CRYBG2: variants seen among roughly 807,000 people sequenced by gnomAD.
CRYBG2 encodes crystallin beta-gamma domain containing 2, also known as beta/gamma crystallin domain-containing protein 2.
CRYBG2 carries 106 observed loss-of-function variants against 153.4 expected under a neutral mutation model. The observed-to-expected ratio is 0.69, with a 90% CI of 0.59 to 0.81. The LOEUF (loss-of-function observed/expected upper bound fraction) is 0.81, where lower values mean the gene tolerates loss of function less well. CRYBG2 is among the 30% of genes least tolerant of loss of function. The pLI is 0.00. For missense variants in CRYBG2, 1,996 were observed against 2,112.0 expected (o/e 0.95, Z 1.08); for synonymous variants, 851 against 877.8 (o/e 0.97, Z 0.54).
intron 17 of CRYBG2, among the ~76,000 whole-genome samples, chr1:26,326,517 G>A (rs1207747156): frequency 9.6e-5 from 14 of 145,504 alleles, no homozygotes; most frequent in African/African-American, 2.8e-4. Flanking sequence ...CTGCCTGGGC[G>A]ACAGAGCAAG....
At chr1:26,337,113 G>T in intron 10 of CRYBG2, 133 bp from the exon 11 acceptor site, 1 of 1,550,452 alleles carries the variant, frequency 6.4e-7, no homozygotes, top group Non-Finnish European at 8.7e-7. Flanking sequence ...AAGAGCAGCA[G>T]GGGAAGAGAG....
chr1:26,335,941 T>A (rs2074048013), intron 14 of CRYBG2, among the ~76,000 whole-genome samples, 154 bp downstream of exon 14: 1 of 152,214 alleles, frequency 6.6e-6, no homozygotes, highest in Admixed American at 6.5e-5. Context: ...CAGTTTTACA[T>A]TTTCCATTAA....
rs756363090 is a variant in CRYBG2 at position 26,331,630 on chromosome 1, G to A, written c.4185-12C>T. ...CAAACAGGATCCAGCTAGGGAAGGG[G>A]AAGAAATGGAGGGTATCTGAGCCTA... On this transcript the variant is annotated splice_polypyrimidine_tract_variant and intron_variant, in intron 14 of 19. Transcript: ENST00000308182. The A allele has an allele frequency of 2.5e-6, 4 of 1,613,040 alleles. No individual in the cohort carries two copies. The highest frequency in any genetic ancestry group is 3.4e-6 in the Non-Finnish European group (4 of 1,179,930).
chr1:26,340,044 G>A (rs2074111788), intron 5 of CRYBG2, among the ~76,000 whole-genome samples: 1 of 152,188 alleles, frequency 6.6e-6, no homozygotes, highest in Non-Finnish European at 1.5e-5. Flanking sequence ...CTGGTGGGAG[G>A]ATGGGCAAGA....
rs772173948 is a variant in CRYBG2, at chr1:26,344,318, G to T, written c.2340C>A (p.Leu780=). The change falls in exon 2 of 20, where the codon CTC becomes CTA. Residue 780 remains leucine (L), a synonymous_variant. Transcript: ENST00000308182. ...GGGCTCGTGGCAGCCGGTGAGTGCG[G>T]AGGATCTCAGGGGGCTCCATGCTCC... ...TLRSMEPPEI[L]RTHRLPRAPR... The T allele has an allele frequency of 3.3e-6, 5 of 1,507,032 alleles. No homozygotes were observed. Among genetic ancestry groups the T allele is most frequent in the Non-Finnish European group, 4.4e-6 (5 of 1,126,806 alleles). The allele number at this position is 1,507,032 out of a possible 1,614,324, so 93.4% of individuals were successfully genotyped here. A position where few individuals can be genotyped will look rare whatever the true frequency, so the allele number is the denominator to read the frequency against.
chr1:26,326,540 CAA>C (rs140765637), intron 17 of CRYBG2: 416 of 102,962 alleles, frequency 4.0e-3, no homozygotes, highest in South Asian at 0.017. Flanking sequence ...GACTCTGTCT[CAA>C]AAAAAAAAAA....
intron 10 of CRYBG2, 81 bp downstream of exon 10, chr1:26,337,172 A>G (rs1570186298): frequency 6.3e-6 from 10 of 1,587,202 alleles, no homozygotes; most frequent in Non-Finnish European, 8.6e-6. Flanking sequence ...AGGGGGTACA[A>G]ATTCTTCCCT....
intron 18 of CRYBG2, 84 bp from the exon 19 acceptor site, chr1:26,322,407 G>A: frequency 1.4e-6 from 2 of 1,458,446 alleles, no homozygotes; most frequent in Non-Finnish European, 1.8e-6. Flanking sequence ...CATCTGCTCT[G>A]AATCCTGGCT....
intron 8 of CRYBG2, 32 bp downstream of exon 8, chr1:26,337,980 G>A: frequency 6.2e-7 from 1 of 1,609,860 alleles, no homozygotes; most frequent in Non-Finnish European, 8.5e-7. Context: ...GCCACCAAAG[G>A]CCCTCTTTGG....
chr1:26,347,721 A>G (rs539773121), intron 1 of CRYBG2, among the ~76,000 whole-genome samples: 29 of 152,052 alleles, frequency 1.9e-4, no homozygotes, highest in Admixed American at 5.9e-4. Flanking sequence ...TGATCTCCTG[A>G]CCTCATGATC....
chr1:26,322,708 C>T (rs971312075), intron 18 of CRYBG2, among the ~76,000 whole-genome samples: 4 of 152,158 alleles, frequency 2.6e-5, no homozygotes, highest in Non-Finnish European at 5.9e-5. Flanking sequence ...ATAAAAAGAC[C>T]TGCCCCACGG....
intron 18 of CRYBG2, among the ~76,000 whole-genome samples, chr1:26,323,830 G>A (rs541997442): frequency 4.3e-4 from 65 of 152,056 alleles, no homozygotes; most frequent in African/African-American, 1.4e-3. Context: ...CTCCTGCCTC[G>A]GCCTTCCAAA....
At position 26,324,310 on chromosome 1, in the gene CRYBG2, G is replaced by T; in HGVS notation, c.4579C>A (p.Arg1527Ser). The T allele has an allele frequency of 6.2e-7, 1 of 1,602,672 alleles. No homozygotes were observed. Residue 1527 changes from arginine to serine, a missense_variant and splice_region_variant, in exon 18 of 20, where the codon CGC becomes AGC. Coordinates refer to ENST00000308182, the MANE Select transcript of CRYBG2 (RefSeq NM_001039775.4). ...TTCCAGAGGCGGAAATAAACCCGGC[G>T]CTGGTGGCAGAAAGAGGCTGAGAGT... is the stretch of plus-strand genomic sequence containing the variant. ...RVGSLYPIKQ[R>S]RVYFRLWNAA...
In CRYBG2 at chr1:26,336,096, T is replaced by C. The variant is rs2074050177; in HGVS notation, c.4183A>G (p.Ser1395Gly). Residue 1395 changes from serine (S) to glycine (G), a missense_variant and splice_region_variant, in exon 14 of 20, where the codon AGC (serine) becomes GGC (glycine). By Grantham distance (56) the Ser-to-Gly change is moderately conservative (BLOSUM62 0). Coordinates refer to ENST00000308182, the MANE Select transcript of CRYBG2 (RefSeq NM_001039775.4). This position sits in a 1 kb window ranked among gnomAD's most constrained non-coding sequence, Gnocchi z 4.9. Reference sequence around the variant, plus strand: ...CCCTCCGCCCCTCCACGTTCTCACCTGCCGCCGTGGACCCGGCAGGACTGA... The same window carrying C: ...CCCTCCGCCCCTCCACGTTCTCACCCGCCGCCGTGGACCCGGCAGGACTGA... ...RPQSCRVHGG[S>G]WILFDETNFE... 6.8e-7 allele frequency: 1 copy of C among 1,465,570 alleles called. No homozygotes were observed. The highest frequency in any genetic ancestry group is 9.1e-7 in the Non-Finnish European group (1 of 1,100,850). 90.8% of individuals were successfully genotyped at this position (1,465,570 alleles called of 1,614,324 possible).
At chr1:26,322,351 T>C (rs1341593270) in intron 18 of CRYBG2, 28 bp from the exon 19 acceptor site, 1 of 1,598,518 alleles carries the variant, frequency 6.3e-7, no homozygotes, top group South Asian at 1.1e-5. Flanking sequence ...CATCAGGCAT[T>C]GTTCCTCCCC....
In CRYBG2 at chr1:26,346,557, T is replaced by C. The variant is rs1186216196; in HGVS notation, c.101A>G (p.His34Arg). 1.2e-6 allele frequency: 2 copies of C among 1,610,952 alleles called. No individual in the cohort carries two copies. The highest frequency in any genetic ancestry group is 8.5e-7 in the Non-Finnish European group (1 of 1,178,644). Residue 34 changes from histidine to arginine, a missense_variant, in exon 2 of 20, where the codon CAT becomes CGT. Physicochemically the swap from His to Arg is conservative, Grantham distance 29. Coordinates refer to ENST00000308182, the MANE Select transcript of CRYBG2 (RefSeq NM_001039775.4). The surrounding 1 kb of genome is among the most constrained non-coding windows in gnomAD (Gnocchi z 4.9). ...QRPPTQEEIK[H>R]GFHKVSLVSG... ...CACCAGGGACACCTTGTGAAAACCA[T>C]GTTTGATCTCTTCCTGGGTGGGGGG...
intron 1 of CRYBG2, among the ~76,000 whole-genome samples, chr1:26,349,766 G>T (rs10902742): frequency 0.19 from 27,643 of 148,824 alleles, 2,701 homozygotes; most frequent in South Asian, 0.23. Context: ...ATAGATTAAT[G>T]GTTTAATGGA....
At chr1:26,341,648 G>A (rs1485025125) in intron 5 of CRYBG2, among the ~76,000 whole-genome samples, 1 of 151,932 alleles carries the variant, frequency 6.6e-6, no homozygotes, top group Admixed American at 6.6e-5. Flanking sequence ...CATCAAACCT[G>A]GCTAATTTTT....
rs1222036936 is a variant in CRYBG2, at chr1:26,336,989, C to T, written c.3772-9G>A. The stretch of plus-strand genomic sequence containing the variant: ...GCCGGGTCCCCGAAGTCCTGGGTCC[C>T]CAGGGACAGTCAGGTCTCTCCCGCC... On this transcript the variant is annotated splice_polypyrimidine_tract_variant and intron_variant, in intron 10 of 19. Coordinates refer to ENST00000308182, the MANE Select transcript of CRYBG2 (RefSeq NM_001039775.4). This position sits in a 1 kb window ranked among gnomAD's most constrained non-coding sequence, Gnocchi z 4.9. 1.2e-6 allele frequency: 2 copies of T among 1,613,266 alleles called. No individual in the cohort carries two copies. The highest frequency in any genetic ancestry group is 1.3e-5 in the African/African-American group (1 of 74,900).
Sources: gnomAD v4.1 joint callset for allele counts (sites outside exome capture counted in the v4.1 genomes callset) on GRCh38, gnomAD v4.1.1 for gene constraint, Gnocchi (gnomAD v3.1) non-coding constraint, MANE v1.5 for transcripts, NCBI Gene and HGNC (gene_info 2026-07-23, HGNC 2026-07-21) for gene names.